TLR5: variants seen among roughly 807,000 people sequenced by gnomAD.
TLR5 encodes the protein toll-like receptor 5.
For missense variants in TLR5, 944 were observed against 999.8 expected (o/e 0.94, Z 0.75); for synonymous variants, 373 against 384.4 (o/e 0.97, Z 0.35).
chr1:223,123,444 A>C (rs1657028806), intron 5 of TLR5: 1 of 152,236 alleles, frequency 6.6e-6, no homozygotes, highest in South Asian at 2.1e-4. Flanking sequence ...AAGGTGGATA[A>C]GGCCAGCTGA....
intron 4 of TLR5, among the ~76,000 whole-genome samples, chr1:223,133,025 G>A (rs1433860421): frequency 1.3e-5 from 2 of 152,172 alleles, no homozygotes; most frequent in African/African-American, 4.8e-5. Context: ...CAGACAAAAT[G>A]GTCTTGCGGC....
In TLR5 at chr1:223,112,493, T is replaced by G; in HGVS notation, c.539A>C (p.Asn180Thr). The G allele has an allele frequency of 6.2e-7, 1 of 1,614,222 alleles. No individual in the cohort carries two copies. ...NSLKSIDFSS[N>T]QIFLVCEHEL... ...ATGTTCACATACAAGGAATATTTGG[T>G]TGGAGGAAAAATCTATGGACTTTAA... Residue 180 changes from asparagine to threonine, a missense_variant, in exon 6 of 6, where the codon AAC (asparagine) becomes ACC (threonine). Transcript: ENST00000642603.
chr1:223,138,622 C>G (rs1179220961), intron 2 of TLR5, among the ~76,000 whole-genome samples: 1 of 152,180 alleles, frequency 6.6e-6, no homozygotes, highest in African/African-American at 2.4e-5. Context: ...ACATCAGACT[C>G]AATATGTCTC....
chr1:223,116,619 C>G lies in TLR5; in HGVS notation c.-4-3584G>C, dbSNP rs115429845. On this transcript the variant is annotated intron_variant, in intron 5 of 5. Coordinates refer to ENST00000642603, the MANE Select transcript of TLR5 (RefSeq NM_003268.6). ...GCAGTGGGCTGCCACTGCTGGCCGC[C>G]GCAGCCTGCTTTTATTTCCTTATCT... Among the ~76,000 whole-genome samples, 1,099 of 152,270 alleles carry G rather than the reference C, an allele frequency of 7.2e-3. 12 individuals carry two copies. Among genetic ancestry groups the G allele is most frequent in the African/African-American group, 0.025 (1,049 of 41,552 alleles).
intron 5 of TLR5, among the ~76,000 whole-genome samples, chr1:223,125,728 C>G (rs1448776750): frequency 6.6e-6 from 1 of 152,122 alleles, no homozygotes; most frequent in East Asian, 1.9e-4. Flanking sequence ...TTGAGAATCA[C>G]TGATGGAAAC....
intron 5 of TLR5, among the ~76,000 whole-genome samples, chr1:223,119,558 C>T (rs930702568): frequency 1.3e-5 from 2 of 152,038 alleles, no homozygotes; most frequent in Non-Finnish European, 2.9e-5. Context: ...GGGTCAGACA[C>T]GCCTCATTAT....
chr1:223,119,786 C>G (rs1656853765), intron 5 of TLR5, among the ~76,000 whole-genome samples: 1 of 150,878 alleles, frequency 6.6e-6, no homozygotes, highest in Admixed American at 6.6e-5. Context: ...ATGGTGGAAC[C>G]CCGTCTCTAC....
intron 2 of TLR5, among the ~76,000 whole-genome samples, chr1:223,138,997 T>A (rs1558135294): frequency 6.6e-6 from 1 of 152,222 alleles, no homozygotes; most frequent in Non-Finnish European, 1.5e-5. Context: ...CTGCACATGC[T>A]CTCTTGGCTG....
Position 223,112,728 on chromosome 1 carries a change from G to C in TLR5, c.304C>G (p.Leu102Val). The change falls in exon 6 of 6, where the codon CTG becomes GTG. Residue 102 changes from leucine to valine, a missense_variant. Leu to Val is a conservative substitution (Grantham distance 32, BLOSUM62 1). Coordinates refer to ENST00000642603, the MANE Select transcript of TLR5 (RefSeq NM_003268.6). ...RNLPNLRILD[L>V]GSSKIYFLHP... ...AAGAAGTATATCTTACTACTTCCCA[G>C]GTCCAAGATTCTAAGGTTGGGCAGG... is the stretch of plus-strand genomic sequence containing the variant. 6.2e-7 allele frequency: 1 copy of C among 1,614,224 alleles called. No individual in the cohort carries two copies. The highest frequency in any genetic ancestry group is 8.5e-7 in the Non-Finnish European group (1 of 1,180,042).
At chr1:223,116,464 G>A (rs1571735153) in intron 5 of TLR5, among the ~76,000 whole-genome samples, 1 of 152,138 alleles carries the variant, frequency 6.6e-6, no homozygotes, top group South Asian at 2.1e-4. Flanking sequence ...GCTGGCCTCA[G>A]GAATTAAGCT....
At chr1:223,133,413 G>A (rs1222493763) in intron 4 of TLR5, among the ~76,000 whole-genome samples, 7 of 152,170 alleles carry the variant, frequency 4.6e-5, no homozygotes, top group Non-Finnish European at 7.4e-5. Context: ...CCTTGAAACG[G>A]TGATTCTGAT....
At chr1:223,115,078 T>C (rs1049878322) in intron 5 of TLR5, among the ~76,000 whole-genome samples, 1 of 152,160 alleles carries the variant, frequency 6.6e-6, no homozygotes, top group African/African-American at 2.4e-5. Flanking sequence ...TTTATATCAT[T>C]CCTCTTTGTA....
At chr1:223,142,627 T>C (rs5744106) in intron 1 of TLR5, among the ~76,000 whole-genome samples, 3,169 of 152,222 alleles carry the variant, frequency 0.021, 44 homozygotes, top group Middle Eastern at 0.031. Context: ...GGCTTTTTTT[T>C]CCCCCTCTCA....
In TLR5 at chr1:223,111,262, A is replaced by T. The variant is rs1041720227; in HGVS notation, c.1770T>A (p.Phe590Leu). 1 of 1,614,086 alleles carries T rather than the reference A, an allele frequency of 6.2e-7. No individual in the cohort carries two copies. The highest frequency in any genetic ancestry group is 8.5e-7 in the Non-Finnish European group (1 of 1,180,046). The change falls in exon 6 of 6, where the codon TTT becomes TTA. Residue 590 changes from phenylalanine (F) to leucine (L), a missense_variant. Physicochemically the swap from Phe to Leu is conservative, Grantham distance 22. Transcript: ENST00000642603. ...KFICECELST[F>L]INWLNHTNVT... is the part of the protein sequence containing the mutation. Reference sequence around the variant, plus strand: ...CATTGGTGTGATTAAGCCAATTGATAAAAGTGCTAAGTTCACATTCACAAA... The same window carrying T: ...CATTGGTGTGATTAAGCCAATTGATTAAAGTGCTAAGTTCACATTCACAAA...
chr1:223,130,070 T>C (rs1657340806), intron 5 of TLR5, among the ~76,000 whole-genome samples: 1 of 152,174 alleles, frequency 6.6e-6, no homozygotes, highest in African/African-American at 2.4e-5. Context: ...GGGCGTACCC[T>C]GAGAGACTAT....
intron 2 of TLR5, among the ~76,000 whole-genome samples, chr1:223,138,266 T>C (rs1337220718): frequency 1.3e-5 from 2 of 152,096 alleles, no homozygotes; most frequent in African/African-American, 4.8e-5. Flanking sequence ...CTCTTTCTTC[T>C]ATGAATCTCC....
chr1:223,133,319 G>A (rs1156408845), intron 4 of TLR5, among the ~76,000 whole-genome samples: 2 of 152,134 alleles, frequency 1.3e-5, no homozygotes, highest in Non-Finnish European at 2.9e-5. Context: ...TGTGACCTTT[G>A]AACAAAACAA....
At chr1:223,117,176 G>C (rs997218829) in intron 5 of TLR5, among the ~76,000 whole-genome samples, 3 of 152,112 alleles carry the variant, frequency 2.0e-5, no homozygotes, top group African/African-American at 7.2e-5. Context: ...GGGACCCGGG[G>C]CCCCCTTCGC....
intron 4 of TLR5, chr1:223,134,348 A>G (rs1657519921): frequency 6.6e-6 from 1 of 152,180 alleles, no homozygotes; most frequent in Non-Finnish European, 1.5e-5. Context: ...GAAATTTCTC[A>G]AGGCACTGGG....
Sources: allele counts gnomAD v4.1 joint callset (sites outside exome capture counted in the v4.1 genomes callset), GRCh38; gene constraint gnomAD v4.1.1; transcripts MANE v1.5; gene names NCBI Gene and HGNC (gene_info 2026-07-23, HGNC 2026-07-21).